The following ALLC variants were observed in gnomAD, a reference collection of about 807,000 sequenced individuals.
ALLC encodes the protein probable inactive allantoicase.
Under a neutral mutation model 45.0 loss-of-function variants are expected in ALLC, and 40 were observed. That is an observed-to-expected ratio of 0.89 (90% CI 0.69 to 1.16). The LOEUF is 1.16. Among genes scored for constraint, ALLC ranks in the 50% most tolerant of loss-of-function variants. The pLI is 0.00. For synonymous variants in ALLC, 176 were observed against 178.1 expected, an observed-to-expected ratio of 0.99 and a Z score of 0.09; for missense variants, 488 against 493.1, an observed-to-expected ratio of 0.99 and a Z score of 0.10.
In ALLC at chr2:3,680,825, A is replaced by C. The variant is rs985305301; in HGVS notation, c.299-809A>C. 1.3e-5 allele frequency among the ~76,000 whole-genome samples: 2 copies of C among 152,162 alleles called. No individual in the cohort carries two copies. The highest frequency in any genetic ancestry group is 2.9e-5 in the Non-Finnish European group (2 of 68,034). Reference sequence around the variant, plus strand: ...TATCAAGGTTGACATGTTCTGGACTAAGGACAGTAAATCAAGTTGGAAGCA... The same window carrying C: ...TATCAAGGTTGACATGTTCTGGACTCAGGACAGTAAATCAAGTTGGAAGCA... On this transcript the variant is annotated intron_variant, in intron 5 of 11. Coordinates refer to ENST00000252505, the MANE Select transcript of ALLC (RefSeq NM_018436.4). The surrounding 1 kb of genome is among the most constrained non-coding windows in gnomAD (Gnocchi z 4.0).
rs555395310 is a variant in ALLC, at chr2:3,674,491, TA to T, written c.84+373del. On this transcript the variant is annotated intron_variant, in intron 3 of 11. Coordinates refer to ENST00000252505, the MANE Select transcript of ALLC (RefSeq NM_018436.4). ...ATTATAAAAGTGCAGGACAGCTTAT[TA>T]AAAAAATAGAGAAAATGCTGACGAA... Among the ~76,000 whole-genome samples the T allele has an allele frequency of 5.3e-5, 8 of 152,232 alleles. No individual in the cohort carries two copies. The South Asian group carries it at 1.7e-3, about 32-fold the overall frequency.
chr2:3,652,378 C>T, the ALLC span, among the ~76,000 whole-genome samples: 2 of 152,236 alleles, frequency 1.3e-5, no homozygotes, highest in Admixed American at 6.5e-5. Context: ...AATCCAGAGC[C>T]ACTATTCATA....
intron 3 of ALLC, among the ~76,000 whole-genome samples, chr2:3,677,619 C>G (rs1427795149): frequency 6.6e-6 from 1 of 152,112 alleles, no homozygotes; most frequent in Non-Finnish European, 1.5e-5. Flanking sequence ...GCCACGGGTC[C>G]CCTGCCTGGG....
chr2:3,694,839 A>G (rs985183735), intron 7 of ALLC: 1 of 152,234 alleles, frequency 6.6e-6, no homozygotes, highest in Non-Finnish European at 1.5e-5. Flanking sequence ...TTAATTTTCT[A>G]TATTAAAAAT....
chr2:3,651,442 TTAGGAA>T, the ALLC span, among the ~76,000 whole-genome samples: 16 of 25,598 alleles, frequency 6.3e-4, 2 homozygotes, highest in Non-Finnish European at 9.1e-4. Flanking sequence ...TGTGTGTGTG[TTAGGAA>T]GGGAGACGAG....
the ALLC span, among the ~76,000 whole-genome samples, chr2:3,649,953 G>A: frequency 4.4e-4 from 67 of 152,252 alleles, no homozygotes; most frequent in Non-Finnish European, 7.8e-4. Context: ...CTTGCTGCCC[G>A]TAGCTTCCCC....
At chr2:3,649,909 C>A in the ALLC span, among the ~76,000 whole-genome samples, 1 of 152,242 alleles carries the variant, frequency 6.6e-6, no homozygotes, top group Non-Finnish European at 1.5e-5. Flanking sequence ...ATCAGTGTTA[C>A]AACGAAGCAA....
In ALLC at chr2:3,691,432, G is replaced by GT. The variant is rs895222360; in HGVS notation, c.512-4274dup. Among the ~76,000 whole-genome samples the GT allele has an allele frequency of 2.8e-3, 401 of 145,814 alleles. 2 individuals are homozygous for GT. The highest frequency in any genetic ancestry group is 5.3e-3 in the African/African-American group (212 of 39,958). On this transcript the variant is annotated intron_variant, in intron 7 of 11. Transcript: ENST00000252505. The stretch of plus-strand genomic sequence containing the variant: ...CCATGCCTGGCTAATTTTTGTATTT[G>GT]TTTTTTTTTTTGTAGAAATGGGGTT...
At chr2:3,654,052 C>T (rs1402689069), upstream of ALLC, among the ~76,000 whole-genome samples, 1 of 152,236 alleles carries the variant, frequency 6.6e-6, no homozygotes, top group African/African-American at 2.4e-5. Context: ...GCTGGTGCCA[C>T]GGTCTCATCT....
intron 1 of ALLC, 36 bp from the exon 2 acceptor site, chr2:3,671,060 C>T (rs1233744874): frequency 2.2e-6 from 3 of 1,333,430 alleles, no homozygotes; most frequent in Non-Finnish European, 2.1e-6. Context: ...ACTCCCGCAG[C>T]CCCCAAGGTT....
chr2:3,671,288 T>G, intron 2 of ALLC, 98 bp downstream of exon 2: 24 of 1,428,722 alleles, frequency 1.7e-5, no homozygotes, highest in Non-Finnish European at 2.3e-5. Context: ...TCAACAAGAA[T>G]CAGGCTGAAG....
At chr2:3,686,766 C>G (rs985523510) in intron 7 of ALLC, among the ~76,000 whole-genome samples, 2 of 150,986 alleles carry the variant, frequency 1.3e-5, no homozygotes, top group Non-Finnish European at 3.0e-5. Flanking sequence ...TGTATAAATG[C>G]TACTGACTTT....
In ALLC at chr2:3,679,981, A is replaced by G. The variant is rs762578125; in HGVS notation, c.285A>G (p.Ala95=). 6.2e-7 allele frequency: 1 copy of G among 1,613,974 alleles called. No individual in the cohort carries two copies. The highest frequency in any genetic ancestry group is 8.5e-7 in the Non-Finnish European group (1 of 1,179,870). Residue 95 remains alanine, a synonymous_variant, in exon 5 of 12, where the codon GCA becomes GCG. Coordinates refer to ENST00000252505, the MANE Select transcript of ALLC (RefSeq NM_018436.4). ...CTCCTCGAGTGTCCATTCAAGCAGC[A>G]AACTTGGAAGAAGGTGCGTTAGGAA... The part of the protein sequence containing the change: ...DYAPRVSIQA[A]NLEEDKLPEI...
At chr2:3,649,243 C>CT in the ALLC span, among the ~76,000 whole-genome samples, 4,665 of 140,446 alleles carry the variant, frequency 0.033, 253 homozygotes, top group African/African-American at 0.1. Flanking sequence ...CCAAACACTT[C>CT]TTTTTTTTTT....
At chr2:3,676,128 A>C (rs1161132771) in intron 3 of ALLC, among the ~76,000 whole-genome samples, 4 of 152,222 alleles carry the variant, frequency 2.6e-5, no homozygotes, top group African/African-American at 7.2e-5. Context: ...CAACATACAA[A>C]TTTTGGTGGG....
At chr2:3,683,269 AT>A (rs1230490042) in intron 7 of ALLC, among the ~76,000 whole-genome samples, 195 bp downstream of exon 7, 2 of 152,230 alleles carry the variant, frequency 1.3e-5, no homozygotes, top group African/African-American at 2.4e-5. Context: ...TTATTGAAAA[AT>A]TATCAAGTAA....
At chr2:3,690,890 G>A (rs959198207) in intron 7 of ALLC, among the ~76,000 whole-genome samples, 6 of 151,320 alleles carry the variant, frequency 4.0e-5, no homozygotes, top group Non-Finnish European at 8.8e-5. Flanking sequence ...TTCTGAGTTC[G>A]TTAATGCACT....
chr2:3,672,790 T>C (rs1358884507), intron 2 of ALLC, among the ~76,000 whole-genome samples: 2 of 152,232 alleles, frequency 1.3e-5, no homozygotes, highest in African/African-American at 4.8e-5. Context: ...CCTCTGGCTG[T>C]AGTTAGACCT....
upstream of ALLC, among the ~76,000 whole-genome samples, chr2:3,657,835 C>T (rs543219643): frequency 2.5e-4 from 38 of 152,380 alleles, no homozygotes; most frequent in Non-Finnish European, 4.6e-4. Flanking sequence ...GGGCCCCTGT[C>T]TTCTCTAGTA....
Sources: allele counts gnomAD v4.1 joint callset (sites outside exome capture counted in the v4.1 genomes callset), GRCh38; gene constraint gnomAD v4.1.1; non-coding constraint Gnocchi (gnomAD v3.1); transcripts MANE v1.5; gene names NCBI Gene and HGNC (gene_info 2026-07-23, HGNC 2026-07-21).